Variants in XPR1 observed in about 807,000 individuals in gnomAD.
The protein encoded by XPR1 is xenotropic and polytropic retrovirus receptor 1, also known as solute carrier family 53 member 1.
A neutral mutation model predicts 87.5 loss-of-function variants in XPR1; 28 were observed. The observed-to-expected ratio is 0.32, with a 90% confidence interval of 0.24 to 0.44. XPR1 has a LOEUF of 0.44. Among genes scored for constraint, XPR1 ranks in the 20% least tolerant of loss-of-function variants. The probability of loss-of-function intolerance (pLI) is 1.00; values close to 1 mark genes in which losing one functional copy is unlikely to be tolerated. For synonymous variants in XPR1, 300 were observed against 306.1 expected (o/e 0.98, Z 0.21); for missense variants, 559 against 862.3 (o/e 0.65, Z 4.41).
At chr1:180,849,364 T>C (rs1256317090) in intron 11 of XPR1, among the ~76,000 whole-genome samples, 2 of 152,190 alleles carry the variant, frequency 1.3e-5, no homozygotes, top group Non-Finnish European at 2.9e-5. Context: ...AGTTATTTCC[T>C]ACAAGGCAGC....
At chr1:180,840,079 C>T (rs530997922) in intron 11 of XPR1, among the ~76,000 whole-genome samples, 3 of 151,418 alleles carry the variant, frequency 2.0e-5, no homozygotes, top group African/African-American at 7.3e-5. Context: ...AAAAATTAGC[C>T]GGGAGCGGTG....
chr1:180,716,935 G>A (rs73034846), intron 2 of XPR1, among the ~76,000 whole-genome samples: 6,559 of 152,198 alleles, frequency 0.043, 509 homozygotes, highest in African/African-American at 0.15. Context: ...TAATCTGCTC[G>A]TCTTCTAGAA....
intron 2 of XPR1, among the ~76,000 whole-genome samples, chr1:180,711,188 C>T (rs182396883): frequency 4.7e-5 from 7 of 149,814 alleles, no homozygotes; most frequent in Admixed American, 1.3e-4. Context: ...CAGGCAGAGA[C>T]GCTCCTCACT....
At chr1:180,809,390 G>A (rs1409052081) in intron 6 of XPR1, among the ~76,000 whole-genome samples, 1 of 152,058 alleles carries the variant, frequency 6.6e-6, no homozygotes, top group South Asian at 2.1e-4. Context: ...TTATCAAATC[G>A]TACACCTTAA....
chr1:180,822,899 C>CT (rs1650689620), intron 7 of XPR1, among the ~76,000 whole-genome samples: 1 of 152,096 alleles, frequency 6.6e-6, no homozygotes, highest in African/African-American at 2.4e-5. Flanking sequence ...CTTCTATATA[C>CT]TACAGAGAAT....
At chr1:180,826,263 A>G (rs1650831639) in intron 9 of XPR1, among the ~76,000 whole-genome samples, 1 of 152,108 alleles carries the variant, frequency 6.6e-6, no homozygotes, top group African/African-American at 2.4e-5. Flanking sequence ...TTTGAAAATC[A>G]TTTGAGGCCA....
intron 3 of XPR1, among the ~76,000 whole-genome samples, chr1:180,798,305 A>G (rs1014423379): frequency 2.0e-4 from 30 of 152,154 alleles, no homozygotes; most frequent in African/African-American, 7.2e-4. Context: ...GGAAGTTAGT[A>G]TCTTAATAGA....
chr1:180,704,608 C>T (rs2101974818), intron 2 of XPR1, among the ~76,000 whole-genome samples: 1 of 151,626 alleles, frequency 6.6e-6, no homozygotes, highest in South Asian at 2.1e-4. Context: ...TATTTTGGTA[C>T]AGTGCAGTTT....
At chr1:180,746,121 AG>A (rs1647231913) in intron 2 of XPR1, among the ~76,000 whole-genome samples, 1 of 151,976 alleles carries the variant, frequency 6.6e-6, no homozygotes, top group Non-Finnish European at 1.5e-5. Context: ...AAATAGCTTT[AG>A]GTGTACCAAG....
intron 2 of XPR1, among the ~76,000 whole-genome samples, chr1:180,754,047 C>T (rs1269785233): frequency 6.6e-6 from 1 of 152,192 alleles, no homozygotes; most frequent in Non-Finnish European, 1.5e-5. Flanking sequence ...TTTTCTTTGA[C>T]TACCGATTCT....
chr1:180,874,110 A>G (rs1652587082), intron 13 of XPR1, 168 bp downstream of exon 13: 4 of 821,512 alleles, frequency 4.9e-6, no homozygotes, highest in Non-Finnish European at 7.2e-6. Context: ...GGCCAGGCTG[A>G]TCTCGAACTC....
chr1:180,671,119 T>C (rs1656154675), intron 1 of XPR1, among the ~76,000 whole-genome samples: 1 of 152,216 alleles, frequency 6.6e-6, no homozygotes, highest in Non-Finnish European at 1.5e-5. Flanking sequence ...GTTTTTTCCA[T>C]TTTGAAAGAT....
chr1:180,639,465 A>C (rs1654896638), intron 1 of XPR1, among the ~76,000 whole-genome samples: 1 of 152,342 alleles, frequency 6.6e-6, no homozygotes, highest in Non-Finnish European at 1.5e-5. Flanking sequence ...TGTATTAGAA[A>C]GACCTTGGAC....
At chr1:180,856,471 A>G (rs953116626) in intron 11 of XPR1, among the ~76,000 whole-genome samples, 3 of 152,170 alleles carry the variant, frequency 2.0e-5, no homozygotes, top group Non-Finnish European at 2.9e-5. Flanking sequence ...CCCAGTCTGT[A>G]TCTGAAGCTT....
intron 11 of XPR1, among the ~76,000 whole-genome samples, chr1:180,858,885 A>AT (rs1370324215): frequency 6.6e-6 from 1 of 152,148 alleles, no homozygotes. Flanking sequence ...ATATTTGTTC[A>AT]TTTTTTGGAG....
chr1:180,703,479 G>C (rs192938696), intron 2 of XPR1, among the ~76,000 whole-genome samples: 1 of 152,148 alleles, frequency 6.6e-6, no homozygotes, highest in African/African-American at 2.4e-5. Context: ...TGTTGGCCAT[G>C]GTTAGCAGGG....
intron 2 of XPR1, among the ~76,000 whole-genome samples, chr1:180,744,259 A>T (rs554999329): frequency 6.6e-6 from 1 of 151,686 alleles, no homozygotes; most frequent in South Asian, 2.1e-4. Flanking sequence ...TGTTTGCTGG[A>T]CCCATTTGGT....
At chr1:180,817,627 G>A (rs541396474) in intron 7 of XPR1, among the ~76,000 whole-genome samples, 1 of 152,110 alleles carries the variant, frequency 6.6e-6, no homozygotes, top group African/African-American at 2.4e-5. Context: ...TCACATAACT[G>A]TAAGTAATGA....
chr1:180,778,482 A>T (rs1648806404), intron 2 of XPR1, among the ~76,000 whole-genome samples: 1 of 152,196 alleles, frequency 6.6e-6, no homozygotes, highest in Non-Finnish European at 1.5e-5. Context: ...CAGCCTTGAT[A>T]CTGTTGACAT....
Sources: allele counts gnomAD v4.1 joint callset (sites outside exome capture counted in the v4.1 genomes callset), GRCh38; gene constraint gnomAD v4.1.1; transcripts MANE v1.5; gene names NCBI Gene and HGNC (gene_info 2026-07-23, HGNC 2026-07-21).